Variants in COLQ observed in about 807,000 individuals in gnomAD.
The protein encoded by COLQ is acetylcholinesterase collagenic tail peptide.
COLQ carries 48 observed loss-of-function variants against 69.0 expected under a neutral mutation model. The observed-to-expected ratio is 0.70, with a 90% confidence interval of 0.55 to 0.88. The LOEUF (loss-of-function observed/expected upper bound fraction) is 0.88. COLQ is among the 40% of genes least tolerant of loss of function. COLQ has a pLI of 0.00. For missense variants in COLQ, 618 were observed against 594.6 expected (o/e 1.04, Z -0.41); for synonymous variants, 217 against 211.2 (o/e 1.03, Z -0.24).
intron 1 of COLQ, among the ~76,000 whole-genome samples, chr3:15,520,263 C>T (rs2063118451): frequency 6.6e-6 from 1 of 152,252 alleles, no homozygotes; most frequent in Admixed American, 6.5e-5. Flanking sequence ...CACGGTGACA[C>T]CACCACTCAC....
At chr3:15,504,865 ACAAAAC>A (rs1229794517) in intron 1 of COLQ, among the ~76,000 whole-genome samples, 2 of 152,212 alleles carry the variant, frequency 1.3e-5, no homozygotes, top group African/African-American at 4.8e-5. Context: ...GTCTCAAAAA[ACAAAAC>A]CAAAACCAAA....
intron 3 of COLQ, among the ~76,000 whole-genome samples, chr3:15,487,431 C>A (rs1388072885): frequency 6.6e-6 from 1 of 152,194 alleles, no homozygotes; most frequent in Non-Finnish European, 1.5e-5. Flanking sequence ...AGGCCGGAGT[C>A]CCCTCTTGTG....
chr3:15,498,933 A>AGTC, intron 1 of COLQ: 3 of 1,215,950 alleles, frequency 2.5e-6, no homozygotes, highest in Non-Finnish European at 2.1e-6. Context: ...GAGAGCAATC[A>AGTC]AACAGGCTGC....
rs558053075 is a variant in COLQ, at chr3:15,485,501, C to T, written c.321+2705G>A. 2.5e-4 allele frequency among the ~76,000 whole-genome samples: 38 copies of T among 152,330 alleles called. 1 individual carries two copies. The highest frequency in any genetic ancestry group is 1.1e-3 in the Admixed American group (17 of 15,308). On this transcript the variant is annotated intron_variant, in intron 3 of 16. Coordinates refer to ENST00000383788, the MANE Select transcript of COLQ (RefSeq NM_005677.4). ...GCTATAGACTGGAGCTCTTCCTATT[C>T]GGCTGTCTTGGAACCTCCCTCCCTG...
At chr3:15,470,464 G>T in intron 11 of COLQ, 72 bp downstream of exon 11, 1 of 1,368,328 alleles carries the variant, frequency 7.3e-7, no homozygotes. Flanking sequence ...AACGCCACCT[G>T]CCTGCCACTC....
At position 15,458,197 on chromosome 3, in the gene COLQ, G is replaced by T. The variant is rs121908924; in HGVS notation, c.943C>A (p.Arg315=). The T allele has an allele frequency of 6.2e-7, 1 of 1,613,730 alleles. No homozygotes were observed. Among genetic ancestry groups the T allele is most frequent in the South Asian group, 1.1e-5 (1 of 91,042 alleles). ...GESVYGPSSP[R]VPVIFVVNNQ... ...CCAGAAAGCCTTACCACAGGAACTC[G>T]CGGGGAACTGGGCCCATACACAGAT... The change falls in exon 13 of 17, where the codon CGA becomes AGA. Residue 315 remains arginine, a synonymous_variant. Coordinates refer to ENST00000383788, the MANE Select transcript of COLQ (RefSeq NM_005677.4).
chr3:15,467,759 CTTGCCCACCTGA>C (rs1423748132), intron 11 of COLQ: 1 of 422,092 alleles, frequency 2.4e-6, no homozygotes, highest in Non-Finnish European at 4.7e-6. Context: ...CCTTGGCAGG[CTTGCCCACCTGA>C]TGAAATGTAA....
At chr3:15,466,267 C>T in intron 12 of COLQ, 74 bp downstream of exon 12, 1 of 1,009,812 alleles carries the variant, frequency 9.9e-7, no homozygotes, top group Non-Finnish European at 1.6e-6. Context: ...TCTCTGCTGG[C>T]ATCTCCTTGT....
At chr3:15,472,649 T>C (rs1418139472) in intron 10 of COLQ, among the ~76,000 whole-genome samples, 1 of 152,174 alleles carries the variant, frequency 6.6e-6, no homozygotes, top group Non-Finnish European at 1.5e-5. Flanking sequence ...TGGCCATGTA[T>C]GCCCTTTTCT....
intron 12 of COLQ, among the ~76,000 whole-genome samples, chr3:15,459,450 T>A (rs936502972): frequency 4.1e-4 from 62 of 151,866 alleles, no homozygotes; most frequent in African/African-American, 1.2e-3. Flanking sequence ...TTAAAAAAAA[T>A]TTTTTTACCA....
rs771047223 is a variant in COLQ, at chr3:15,455,921, G to A, written c.1173C>T (p.Ser391=). The change falls in exon 15 of 17, where the codon AGC becomes AGT. Residue 391 remains serine (S), a synonymous_variant. Coordinates refer to ENST00000383788, the MANE Select transcript of COLQ (RefSeq NM_005677.4). ...CACGGATGCAGTCGTCACCCACATC[G>A]CTGTTACCGTCGTCACACTCCTCCC... is the stretch of plus-strand genomic sequence containing the variant. ...QPGEECDDGN[S]DVGDDCIRCH... is the part of the protein sequence containing the mutation. 5.0e-6 allele frequency: 8 copies of A among 1,613,962 alleles called. No homozygotes were observed. Among genetic ancestry groups the A allele is most frequent in the Admixed American group, 3.3e-5 (2 of 59,998 alleles).
intron 1 of COLQ, among the ~76,000 whole-genome samples, chr3:15,520,585 G>T (rs2063122928): frequency 6.6e-6 from 1 of 152,190 alleles, no homozygotes; most frequent in South Asian, 2.1e-4. Context: ...CTAAAACTTT[G>T]CTGGGGAGAG....
intron 3 of COLQ, among the ~76,000 whole-genome samples, chr3:15,484,635 A>C (rs977423010): frequency 1.3e-5 from 2 of 152,096 alleles, no homozygotes; most frequent in African/African-American, 4.8e-5. Context: ...TTTTTTCTCT[A>C]AACTTCTCTT....
In COLQ at chr3:15,513,175, C is replaced by T. The variant is rs2063009175; in HGVS notation, c.106+8345G>A. Among the ~76,000 whole-genome samples, 4 of 152,128 alleles carry T rather than the reference C, an allele frequency of 2.6e-5. No homozygotes were observed. The South Asian group carries it at 8.3e-4, about 32-fold the overall frequency. ...AACTTTAGTGTTTTTAGTGGTGGTT[C>T]CATGGCCCGCTGGATCCCAACTTCT... On this transcript the variant is annotated intron_variant, in intron 1 of 16. Transcript: ENST00000383788.
chr3:15,470,756 G>T, intron 10 of COLQ, 140 bp from the exon 11 acceptor site: 1 of 791,542 alleles, frequency 1.3e-6, no homozygotes, highest in Non-Finnish European at 2.3e-6. Flanking sequence ...GCCCTGCAAG[G>T]TTAGCAGAGT....
chr3:15,504,969 CAG>C (rs2062886935), intron 1 of COLQ, among the ~76,000 whole-genome samples: 1 of 152,252 alleles, frequency 6.6e-6, no homozygotes, highest in African/African-American at 2.4e-5. Context: ...CAGCCCCAAA[CAG>C]TGGACATATT....
chr3:15,492,624 G>A (rs1268743787), intron 1 of COLQ, among the ~76,000 whole-genome samples: 3 of 151,368 alleles, frequency 2.0e-5, no homozygotes, highest in South Asian at 2.1e-4. Flanking sequence ...CCGAGATCGC[G>A]CCACTGCACT....
chr3:15,487,266 G>A (rs887181095), intron 3 of COLQ, among the ~76,000 whole-genome samples: 1 of 152,206 alleles, frequency 6.6e-6, no homozygotes, highest in Admixed American at 6.5e-5. Context: ...AGCTGGCCAT[G>A]ATACAAACCA....
At position 15,456,597 on chromosome 3, in the gene COLQ, G is replaced by A. The variant is rs765770364; in HGVS notation, c.955-18C>T. On this transcript the variant is annotated intron_variant, in intron 13 of 16. Transcript: ENST00000383788. Reference sequence around the variant, plus strand: ...ACAAAAATCTGCCAGAGAACACACTGGTGAGGATTCCAGAAAACACTTCTG... The same window carrying A: ...ACAAAAATCTGCCAGAGAACACACTAGTGAGGATTCCAGAAAACACTTCTG... The A allele has an allele frequency of 1.4e-5, 23 of 1,613,404 alleles. No individual in the cohort carries two copies. Among genetic ancestry groups the A allele is most frequent in the Non-Finnish European group, 1.9e-5 (23 of 1,180,018 alleles).
Sources: gnomAD v4.1 joint callset for allele counts (sites outside exome capture counted in the v4.1 genomes callset) on GRCh38, gnomAD v4.1.1 for gene constraint, MANE v1.5 for transcripts, NCBI Gene and HGNC (gene_info 2026-07-23, HGNC 2026-07-21) for gene names.